The following CFTR variants were observed in gnomAD, a reference collection of about 807,000 sequenced individuals.
The protein encoded by CFTR is CF transmembrane conductance regulator.
In CFTR, 181 loss-of-function variants were observed where a neutral mutation model predicts 171.6. The ratio of observed to expected loss-of-function variants is 1.05; its 90% CI spans 0.93 to 1.19. The LOEUF is 1.19. CFTR is among the 50% of genes most tolerant of loss of function. CFTR has a pLI of 0.00. For synonymous variants in CFTR, 583 were observed against 608.0 expected (o/e 0.96, Z 0.60); for missense variants, 1,968 against 1,734.7 (o/e 1.13, Z -2.39).
intron 12 of CFTR, 115 bp downstream of exon 12, chr7:117,587,948 G>A (rs1791970789): frequency 1.4e-6 from 1 of 710,596 alleles, no homozygotes; most frequent in Admixed American, 2.1e-5. Flanking sequence ...AAAAAATCCT[G>A]GGGTTTTATG....
In CFTR at chr7:117,627,763, G is replaced by A. The variant is rs751474685; in HGVS notation, c.3710G>A (p.Gly1237Asp). Residue 1237 changes from glycine to aspartate, a missense_variant, in exon 22 of 27, where the codon GGC (glycine) becomes GAC (aspartate). Coordinates refer to ENST00000003084, the MANE Select transcript of CFTR (RefSeq NM_000492.4). Reference sequence around the variant, plus strand: ...AACATTTCCTTCTCAATAAGTCCTGGCCAGAGGGTGAGATTTGAACACTGC... The same window carrying A: ...AACATTTCCTTCTCAATAAGTCCTGACCAGAGGGTGAGATTTGAACACTGC... ...LENISFSISP[G>D]QRVGLLGRTG... 1.1e-5 allele frequency: 18 copies of A among 1,610,824 alleles called. No homozygotes were observed. In the East Asian group the frequency reaches 2.9e-4, roughly 26 times the overall value.
intron 2 of CFTR, among the ~76,000 whole-genome samples, chr7:117,506,327 A>G (rs1562883294): frequency 6.6e-6 from 1 of 152,020 alleles, no homozygotes; most frequent in Non-Finnish European, 1.5e-5. Flanking sequence ...GCTCACTGCA[A>G]ACTTCGTCTC....
intron 2 of CFTR, among the ~76,000 whole-genome samples, chr7:117,507,295 C>T (rs1339189527): frequency 6.6e-6 from 1 of 152,190 alleles, no homozygotes; most frequent in Non-Finnish European, 1.5e-5. Flanking sequence ...TCTTTCATAG[C>T]TAACATTCTC....
chr7:117,571,894 T>C (rs982130855), intron 11 of CFTR, among the ~76,000 whole-genome samples: 3 of 152,220 alleles, frequency 2.0e-5, no homozygotes, highest in Non-Finnish European at 2.9e-5. Flanking sequence ...TATTAGTGCT[T>C]TTTGTACTTT....
In CFTR at chr7:117,638,772, A is replaced by AT. The variant is rs1272939870; in HGVS notation, c.3718-3666_3718-3665insT. Among the ~76,000 whole-genome samples the AT allele has an allele frequency of 2.9e-3, 428 of 149,604 alleles. 2 individuals carry two copies. Among genetic ancestry groups the AT allele is most frequent in the African/African-American group, 9.8e-3 (395 of 40,254 alleles). On this transcript the variant is annotated intron_variant, in intron 22 of 26. Coordinates refer to ENST00000003084, the MANE Select transcript of CFTR (RefSeq NM_000492.4). ...AAATAAATAAATAAATAAATAATAA[A>AT]AATAAAAAAATAAAATAAAACAAAA...
chr7:117,612,057 A>ATATG (rs1584822989), intron 20 of CFTR, among the ~76,000 whole-genome samples: 1 of 94,766 alleles, frequency 1.1e-5, no homozygotes, highest in East Asian at 2.4e-4. Flanking sequence ...ATATATACAT[A>ATATG]TATATATATA....
At chr7:117,652,723 T>C in intron 23 of CFTR, 119 bp from the exon 24 acceptor site, 1 of 605,206 alleles carries the variant, frequency 1.7e-6, no homozygotes. Context: ...GGTAAGTACA[T>C]GGGTGTTTCT....
At chr7:117,621,817 A>G (rs1234853742) in intron 21 of CFTR, among the ~76,000 whole-genome samples, 1 of 152,222 alleles carries the variant, frequency 6.6e-6, no homozygotes, top group Non-Finnish European at 1.5e-5. Context: ...TAAGCTCCAG[A>G]GTAAGTAATA....
chr7:117,644,963 GA>G (rs1792977830), intron 23 of CFTR, among the ~76,000 whole-genome samples: 1 of 152,086 alleles, frequency 6.6e-6, no homozygotes, highest in African/African-American at 2.4e-5. Context: ...ATAAAAAACA[GA>G]AAAAATATTT....
intron 22 of CFTR, among the ~76,000 whole-genome samples, chr7:117,640,106 T>C (rs1037099306): frequency 6.6e-6 from 1 of 152,190 alleles, no homozygotes; most frequent in Non-Finnish European, 1.5e-5. Flanking sequence ...ATTGAAGTTA[T>C]TAGAAAACAC....
chr7:117,611,498 A>G, intron 19 of CFTR, 83 bp from the exon 20 acceptor site: 2 of 844,808 alleles, frequency 2.4e-6, no homozygotes, highest in Non-Finnish European at 4.0e-6. Context: ...ATTCTAATTT[A>G]GTCTTTTTCA....
At chr7:117,619,397 T>C (rs1039978239) in intron 21 of CFTR, among the ~76,000 whole-genome samples, 3 of 152,236 alleles carry the variant, frequency 2.0e-5, no homozygotes, top group African/African-American at 7.2e-5. Context: ...ATTGATAAAT[T>C]ACTCACACTC....
At chr7:117,540,869 C>T (rs1215732463) in intron 8 of CFTR, among the ~76,000 whole-genome samples, 2 of 152,134 alleles carry the variant, frequency 1.3e-5, no homozygotes, top group Non-Finnish European at 2.9e-5. Context: ...GCTCCTAGAC[C>T]TGTCTTATTT....
intron 1 of CFTR, among the ~76,000 whole-genome samples, chr7:117,490,712 G>T (rs139808242): frequency 1.3e-5 from 2 of 152,004 alleles, no homozygotes; most frequent in Admixed American, 1.3e-4. Context: ...CAGACATAGG[G>T]CGTCTTTAAT....
chr7:117,501,080 C>G (rs1462450722), intron 1 of CFTR, among the ~76,000 whole-genome samples: 1 of 152,098 alleles, frequency 6.6e-6, no homozygotes, highest in Non-Finnish European at 1.5e-5. Context: ...TTTTACATTT[C>G]TTGAAAATGC....
At chr7:117,598,600 TG>T (rs1301692964) in intron 15 of CFTR, among the ~76,000 whole-genome samples, 2 of 152,242 alleles carry the variant, frequency 1.3e-5, no homozygotes, top group African/African-American at 4.8e-5. Context: ...TGTATACTAC[TG>T]TACCAATAAA....
At chr7:117,579,556 T>A (rs1270712143) in intron 11 of CFTR, among the ~76,000 whole-genome samples, 1 of 151,690 alleles carries the variant, frequency 6.6e-6, no homozygotes, top group Non-Finnish European at 1.5e-5. Flanking sequence ...GCTATTCTTC[T>A]TATTATTTAT....
intron 11 of CFTR, among the ~76,000 whole-genome samples, chr7:117,560,031 A>G (rs928499978): frequency 6.6e-6 from 1 of 152,066 alleles, no homozygotes; most frequent in African/African-American, 2.4e-5. Flanking sequence ...CTTTAAAAAT[A>G]TACTCCAAAA....
At chr7:117,510,326 T>G (rs1798494524) in intron 3 of CFTR, among the ~76,000 whole-genome samples, 1 of 152,222 alleles carries the variant, frequency 6.6e-6, no homozygotes, top group Non-Finnish European at 1.5e-5. Context: ...TCACAGCTTC[T>G]GATTCTATTT....
Sources: allele counts gnomAD v4.1 joint callset (sites outside exome capture counted in the v4.1 genomes callset), GRCh38; gene constraint gnomAD v4.1.1; transcripts MANE v1.5; gene names NCBI Gene and HGNC (gene_info 2026-07-23, HGNC 2026-07-21).